The following SEC24A variants were observed in gnomAD, a reference collection of about 807,000 sequenced individuals.
The protein encoded by SEC24A is SEC24 homolog A, COPII component, also known as protein transport protein Sec24A.
A neutral mutation model predicts 129.4 loss-of-function variants in SEC24A; 93 were observed. That is an observed-to-expected ratio of 0.72 (90% CI 0.61 to 0.85). The LOEUF (loss-of-function observed/expected upper bound fraction) is 0.85, where lower values mean the gene tolerates loss of function less well. Among genes scored for constraint, SEC24A ranks in the 40% least tolerant of loss-of-function variants. The pLI, the probability that SEC24A is intolerant of heterozygous loss-of-function variation, is 0.00. For synonymous variants in SEC24A, 460 were observed against 467.3 expected (o/e 0.98, Z 0.20); for missense variants, 1,264 against 1,307.4 (o/e 0.97, Z 0.51).
At chr5:134,655,368 A>G (rs998276330) in intron 1 of SEC24A, among the ~76,000 whole-genome samples, 1 of 152,056 alleles carries the variant, frequency 6.6e-6, no homozygotes, top group African/African-American at 2.4e-5. Flanking sequence ...TAAGGCCACA[A>G]GGCTGGGCGT....
At chr5:134,664,021 G>A (rs1479115268) in intron 2 of SEC24A, among the ~76,000 whole-genome samples, 1 of 152,112 alleles carries the variant, frequency 6.6e-6, no homozygotes, top group East Asian at 1.9e-4. Context: ...TGAGGCAGGA[G>A]AAGCGCTTGA....
intron 12 of SEC24A, 106 bp from the exon 13 acceptor site, chr5:134,693,621 T>C (rs922647007): frequency 2.7e-6 from 4 of 1,469,606 alleles, no homozygotes; most frequent in African/African-American, 2.8e-5. Flanking sequence ...GTAGATTCTC[T>C]GACCATCATC....
At position 134,674,707 on chromosome 5, in the gene SEC24A, C is replaced by A. The variant is rs749181483; in HGVS notation, c.910C>A (p.Pro304Thr). Residue 304 changes from proline to threonine, a missense_variant, in exon 5 of 23, where the codon CCA becomes ACA. Coordinates refer to ENST00000398844, the MANE Select transcript of SEC24A (RefSeq NM_021982.3). ...SLPPGYQNTTPPGATGVPPSS... is the reference protein window; with the variant it reads ...SLPPGYQNTTTPGATGVPPSS... ...ACCACCTGGTTATCAGAACACAACA[C>A]CACCTGGTGCAACTGGAGTACCACC... 2 of 1,613,898 alleles carry A rather than the reference C, an allele frequency of 1.2e-6. No individual in the cohort carries two copies. Among genetic ancestry groups the A allele is most frequent in the Non-Finnish European group, 8.5e-7 (1 of 1,179,914 alleles).
At chr5:134,706,536 G>A (rs1490255114) in intron 17 of SEC24A, among the ~76,000 whole-genome samples, 2 of 152,068 alleles carry the variant, frequency 1.3e-5, no homozygotes, top group African/African-American at 2.4e-5. Context: ...GTCTTGCTCT[G>A]TCACCCAGGG....
chr5:134,678,465 C>CG (rs1554138664), intron 7 of SEC24A, among the ~76,000 whole-genome samples: 1 of 149,658 alleles, frequency 6.7e-6, no homozygotes, highest in Non-Finnish European at 1.5e-5. Context: ...TTTAAAAACT[C>CG]TTTTTTTTTG....
chr5:134,674,566 C>A (rs752996113), intron 4 of SEC24A, 49 bp from the exon 5 acceptor site: 30 of 1,514,174 alleles, frequency 2.0e-5, no homozygotes, highest in Non-Finnish European at 2.5e-5. Context: ...ATAAATAAAT[C>A]AAGTATTCTG....
chr5:134,662,385 A>G (rs898832009), intron 2 of SEC24A, among the ~76,000 whole-genome samples: 1 of 151,810 alleles, frequency 6.6e-6, no homozygotes, highest in Non-Finnish European at 1.5e-5. Context: ...CGATCTCCTG[A>G]CCTCGTGATC....
At chr5:134,694,592 A>G (rs1751761904) in intron 13 of SEC24A, among the ~76,000 whole-genome samples, 1 of 151,334 alleles carries the variant, frequency 6.6e-6, no homozygotes, top group African/African-American at 2.4e-5. Context: ...GCTTGCAGTG[A>G]GCTGAGATTG....
intron 6 of SEC24A, among the ~76,000 whole-genome samples, chr5:134,675,564 A>G (rs1282503223): frequency 6.6e-6 from 1 of 152,204 alleles, no homozygotes; most frequent in East Asian, 1.9e-4. Context: ...CATAACAAAC[A>G]TAATACCTTT....
At chr5:134,683,751 A>G (rs766392213) in intron 9 of SEC24A, among the ~76,000 whole-genome samples, 4 of 152,194 alleles carry the variant, frequency 2.6e-5, no homozygotes, top group Non-Finnish European at 4.4e-5. Context: ...CTAATGTTTA[A>G]TTAGCACTTT....
chr5:134,708,736 A>G lies in SEC24A; in HGVS notation c.2575A>G (p.Ser859Gly). 1 of 1,613,800 alleles carries G rather than the reference A, an allele frequency of 6.2e-7. No homozygotes were observed. Among genetic ancestry groups the G allele is most frequent in the Non-Finnish European group, 8.5e-7 (1 of 1,179,950 alleles). The change falls in exon 18 of 23, where the codon AGT (serine) becomes GGT (glycine). Residue 859 changes from serine (S) to glycine (G), a missense_variant. By Grantham distance (56) the Ser-to-Gly change is moderately conservative. Coordinates refer to ENST00000398844, the MANE Select transcript of SEC24A (RefSeq NM_021982.3). ...NMAVDRSMTA[S>G]LSDARDALVN... ...AGCTGTTGACAGATCTATGACTGCCAGTCTGAGTGACGCTCGGGATGCTCT... is the reference window on the plus strand; with the variant it reads ...AGCTGTTGACAGATCTATGACTGCCGGTCTGAGTGACGCTCGGGATGCTCT...
intron 16 of SEC24A, among the ~76,000 whole-genome samples, chr5:134,705,090 A>ATTTTT (rs58181904): frequency 3.0e-4 from 37 of 123,298 alleles, no homozygotes; most frequent in Admixed American, 6.8e-4. Context: ...ATATATATAT[A>ATTTTT]TTTTTTTTTT....
chr5:134,663,468 A>C (rs772271546), intron 2 of SEC24A, among the ~76,000 whole-genome samples: 8 of 152,186 alleles, frequency 5.3e-5, no homozygotes, highest in Non-Finnish European at 8.8e-5. Flanking sequence ...AAAGTATAAG[A>C]CTTGAATAAT....
At position 134,705,086 on chromosome 5, in the gene SEC24A, A is replaced by ATTT. The variant is rs1441646206; in HGVS notation, c.2441-240_2441-239insTTT. ...TATTTATATTTATATATATATATAT[A>ATTT]TATATTTTTTTTTTTTTAATTAATT... On this transcript the variant is annotated intron_variant, in intron 16 of 22. Coordinates refer to ENST00000398844, the MANE Select transcript of SEC24A (RefSeq NM_021982.3). Among the ~76,000 whole-genome samples the ATTT allele has an allele frequency of 6.9e-5, 9 of 129,602 alleles. No individual in the cohort carries two copies. In the East Asian group the frequency reaches 8.4e-4, roughly 12 times the overall value. 85.0% of individuals were successfully genotyped at this position (129,602 alleles called of 152,430 possible).
At chr5:134,715,904 G>T (rs1752464137) in intron 19 of SEC24A, among the ~76,000 whole-genome samples, 1 of 151,674 alleles carries the variant, frequency 6.6e-6, no homozygotes, top group Non-Finnish European at 1.5e-5. Context: ...ATTTTTTCTG[G>T]GGAATGGGGG....
At chr5:134,670,444 G>A (rs530962140) in intron 3 of SEC24A, among the ~76,000 whole-genome samples, 71 of 152,272 alleles carry the variant, frequency 4.7e-4, no homozygotes, top group African/African-American at 1.6e-3. Flanking sequence ...AGAGGTTAAT[G>A]CTATTCACTG....
intron 17 of SEC24A, 100 bp downstream of exon 17, chr5:134,705,537 T>C (rs1426600170): frequency 4.4e-6 from 3 of 688,070 alleles, no homozygotes; most frequent in African/African-American, 3.6e-5. Flanking sequence ...ATAGTTTGAA[T>C]GTTTTAGATC....
At chr5:134,701,514 T>A (rs1353708241) in intron 15 of SEC24A, among the ~76,000 whole-genome samples, 1 of 2,270 alleles carries the variant, frequency 4.4e-4, no homozygotes, top group Non-Finnish European at 8.0e-4. Context: ...CTTTGCCCTC[T>A]TTTTTTTTTT....
In SEC24A at chr5:134,725,297, A is replaced by T. The variant is rs1752733027; in HGVS notation, c.*203A>T. Reference sequence around the variant, plus strand: ...CAACTCTGAAATACTGTATTTTTCAAATCAGAATATAGCTACGTATGATTG... The same window carrying T: ...CAACTCTGAAATACTGTATTTTTCATATCAGAATATAGCTACGTATGATTG... On this transcript the variant is annotated 3_prime_UTR_variant, in exon 23 of 23. Coordinates refer to ENST00000398844, the MANE Select transcript of SEC24A (RefSeq NM_021982.3). The T allele has an allele frequency of 2.2e-6, 1 of 461,262 alleles. No homozygotes were observed. Among genetic ancestry groups the T allele is most frequent in the East Asian group, 3.8e-5 (1 of 26,632 alleles). The allele number at this position is 461,262 out of a possible 1,614,324, so 28.6% of individuals were successfully genotyped here.
Sources: gnomAD v4.1 joint callset for allele counts (sites outside exome capture counted in the v4.1 genomes callset) on GRCh38, gnomAD v4.1.1 for gene constraint, MANE v1.5 for transcripts, NCBI Gene and HGNC (gene_info 2026-07-23, HGNC 2026-07-21) for gene names.